The following FRMD6 variants were observed in gnomAD, a reference collection of about 807,000 sequenced individuals.
FRMD6 encodes the protein FERM domain containing 6.
FRMD6 carries 37 observed loss-of-function variants against 73.2 expected under a neutral mutation model. The observed-to-expected ratio is 0.51, with a 90% CI of 0.39 to 0.66. The LOEUF (loss-of-function observed/expected upper bound fraction) is 0.66. Ranked by LOEUF, FRMD6 falls within the 30% of genes least tolerant of loss-of-function variation. FRMD6 has a pLI of 0.00. For synonymous variants in FRMD6, 273 were observed against 282.2 expected (o/e 0.97, Z 0.33); for missense variants, 714 against 780.5 (o/e 0.91, Z 1.02).
upstream of FRMD6, among the ~76,000 whole-genome samples, chr14:51,484,937 A>G (rs1359964428): frequency 6.6e-6 from 1 of 152,210 alleles, no homozygotes; most frequent in Non-Finnish European, 1.5e-5. Flanking sequence ...AAAGGGCTGC[A>G]CTAGTAGCTT....
At chr14:51,585,472 T>C (rs1395406208) in intron 2 of FRMD6, among the ~76,000 whole-genome samples, 1 of 152,158 alleles carries the variant, frequency 6.6e-6, no homozygotes, top group Non-Finnish European at 1.5e-5. Flanking sequence ...TAGCAGATTA[T>C]AAATTGTCTG....
At chr14:51,397,551 CT>C in the FRMD6 span, among the ~76,000 whole-genome samples, 10 of 152,134 alleles carry the variant, frequency 6.6e-5, no homozygotes, top group African/African-American at 2.4e-4. Flanking sequence ...ACCTACTAAT[CT>C]TTTTTGCTTT....
chr14:51,473,125 C>G, the FRMD6 span, among the ~76,000 whole-genome samples: 39 of 152,258 alleles, frequency 2.6e-4, no homozygotes, highest in South Asian at 3.5e-3. Flanking sequence ...CTGCCCCTGC[C>G]GGTCCTGCTG....
chr14:51,447,924 G>A, the FRMD6 span, among the ~76,000 whole-genome samples: 3 of 152,172 alleles, frequency 2.0e-5, no homozygotes, highest in Admixed American at 2.0e-4. Context: ...TTCTAGCTTG[G>A]CAGTTATGTA....
intron 1 of FRMD6, among the ~76,000 whole-genome samples, chr14:51,531,093 CT>C (rs1222069464): frequency 9.8e-5 from 15 of 152,312 alleles, no homozygotes; most frequent in African/African-American, 3.6e-4. Context: ...AGGCATTAAT[CT>C]GTTTATAATG....
At chr14:51,578,484 A>G (rs1324794619) in intron 2 of FRMD6, among the ~76,000 whole-genome samples, 1 of 152,192 alleles carries the variant, frequency 6.6e-6, no homozygotes, top group Non-Finnish European at 1.5e-5. Context: ...GTTTCTGTGC[A>G]TGTTCATTGC....
chr14:51,617,815 T>C (rs4901141), intron 2 of FRMD6, among the ~76,000 whole-genome samples: 41,305 of 152,020 alleles, frequency 0.27, 6,068 homozygotes, highest in Non-Finnish European at 0.33. Context: ...TTTAAACCTG[T>C]TTCACTATCT....
At chr14:51,680,712 T>C (rs1894733708) in intron 1 of FRMD6, among the ~76,000 whole-genome samples, 1 of 152,164 alleles carries the variant, frequency 6.6e-6, no homozygotes, top group South Asian at 2.1e-4. Context: ...ATAGTGGGTA[T>C]TTGTGATTTA....
At chr14:51,404,935 C>G in the FRMD6 span, among the ~76,000 whole-genome samples, 10 of 152,236 alleles carry the variant, frequency 6.6e-5, no homozygotes, top group South Asian at 1.9e-3. Context: ...CCACCCTCCC[C>G]CAACATGTAG....
chr14:51,486,418 G>A (rs1882762145), upstream of FRMD6, among the ~76,000 whole-genome samples: 1 of 152,174 alleles, frequency 6.6e-6, no homozygotes, highest in African/African-American at 2.4e-5. Context: ...ATGCAGTATG[G>A]TGCAGCAGTT....
upstream of FRMD6, among the ~76,000 whole-genome samples, chr14:51,486,645 C>G (rs1334758687): frequency 6.6e-6 from 1 of 152,198 alleles, no homozygotes; most frequent in African/African-American, 2.4e-5. Context: ...TAATCTCTTT[C>G]CTGGTCAGTC....
chr14:51,727,309 G>GA (rs548953904), intron 13 of FRMD6, among the ~76,000 whole-genome samples: 41,249 of 145,018 alleles, frequency 0.28, 5,926 homozygotes, highest in African/African-American at 0.36. Context: ...ATATCCTACT[G>GA]AAAAAAAAAA....
the FRMD6 span, among the ~76,000 whole-genome samples, chr14:51,421,963 G>A: frequency 6.6e-6 from 1 of 152,210 alleles, no homozygotes; most frequent in South Asian, 2.1e-4. Context: ...GTTCAGGGGA[G>A]CTAGCCTCAT....
At chr14:51,606,904 A>T (rs1247740542) in intron 2 of FRMD6, among the ~76,000 whole-genome samples, 1 of 152,158 alleles carries the variant, frequency 6.6e-6, no homozygotes, top group Non-Finnish European at 1.5e-5. Flanking sequence ...GGGGGCTGGC[A>T]TAAGTTCTCC....
At position 51,605,143 on chromosome 14, in the gene FRMD6, T is replaced by TC. The variant is rs796871690; in HGVS notation, c.-147+34733_-147+34734insC. Among the ~76,000 whole-genome samples, 779 of 148,382 alleles carry TC rather than the reference T, an allele frequency of 5.2e-3. 6 individuals are homozygous for TC. Among genetic ancestry groups the TC allele is most frequent in the South Asian group, 0.021 (98 of 4,686 alleles). On this transcript the variant is annotated intron_variant, in intron 2 of 14. Coordinates refer to the FRMD6 transcript ENST00000356218. ...TATTTACTTCTCTGCAGGTTTCTTT[T>TC]TTTTTTTTTTTTTTTATTGATCATT...
chr14:51,679,731 A>T (rs1894669424), intron 1 of FRMD6, among the ~76,000 whole-genome samples: 1 of 152,046 alleles, frequency 6.6e-6, no homozygotes, highest in South Asian at 2.1e-4. Flanking sequence ...GATCCCCATC[A>T]CTTCTTTTAT....
chr14:51,506,557 G>C (rs546292056), intron 1 of FRMD6, among the ~76,000 whole-genome samples: 1 of 152,164 alleles, frequency 6.6e-6, no homozygotes, highest in African/African-American at 2.4e-5. Context: ...TGAGGGTGAA[G>C]GAGGAAAATG....
At chr14:51,594,929 T>G (rs1735812442) in intron 2 of FRMD6, among the ~76,000 whole-genome samples, 1 of 152,224 alleles carries the variant, frequency 6.6e-6, no homozygotes, top group African/African-American at 2.4e-5. Context: ...CGTTCCTTCC[T>G]TTGGAGATGG....
At chr14:51,454,869 A>T in the FRMD6 span, 2 of 152,198 alleles carry the variant, frequency 1.3e-5, no homozygotes, top group East Asian at 3.8e-4. Context: ...TTCAATGAAG[A>T]GCATATGTCA....
Sources: gnomAD v4.1 joint callset for allele counts (sites outside exome capture counted in the v4.1 genomes callset) on GRCh38, gnomAD v4.1.1 for gene constraint, MANE v1.5 for transcripts, NCBI Gene and HGNC (gene_info 2026-07-23, HGNC 2026-07-21) for gene names.